ACAN: variants seen among roughly 807,000 people sequenced by gnomAD.
ACAN encodes the protein aggrecan core protein.
A neutral mutation model predicts 169.1 loss-of-function variants in ACAN; 47 were observed. That is an observed-to-expected ratio of 0.28 (90% CI 0.22 to 0.35). ACAN has a LOEUF of 0.35. Ranked by LOEUF, ACAN falls within the 10% of genes least tolerant of loss-of-function variation. The pLI is 1.00. For missense variants in ACAN, 2,716 were observed against 2,759.9 expected (o/e 0.98, Z 0.36); for synonymous variants, 1,115 against 1,112.2 (o/e 1.00, Z -0.05).
intron 6 of ACAN, among the ~76,000 whole-genome samples, chr15:88,845,248 C>T (rs1387093799): frequency 1.3e-5 from 2 of 152,184 alleles, no homozygotes; most frequent in Non-Finnish European, 2.9e-5. Flanking sequence ...CTTTATGAGC[C>T]GTCAGCTCAT....
At chr15:88,840,684 C>T (rs1160299546) in intron 4 of ACAN, among the ~76,000 whole-genome samples, 2 of 151,310 alleles carry the variant, frequency 1.3e-5, no homozygotes, top group African/African-American at 4.9e-5. Flanking sequence ...ATTTCAGGAG[C>T]ATCATAGCTC....
intron 1 of ACAN, among the ~76,000 whole-genome samples, chr15:88,817,075 T>G (rs906752539): frequency 2.0e-5 from 3 of 152,192 alleles, no homozygotes; most frequent in African/African-American, 7.2e-5. Context: ...ACTCCTGCTC[T>G]CCTAATGACC....
chr15:88,842,763 C>T (rs577052864), intron 5 of ACAN, among the ~76,000 whole-genome samples: 1 of 152,202 alleles, frequency 6.6e-6, no homozygotes, highest in Non-Finnish European at 1.5e-5. Context: ...GTAGCCAGAA[C>T]CACCCCTGTG....
intron 1 of ACAN, among the ~76,000 whole-genome samples, chr15:88,826,705 A>C (rs1896232158): frequency 6.6e-6 from 1 of 152,156 alleles, no homozygotes; most frequent in South Asian, 2.1e-4. Flanking sequence ...TGAACTAATT[A>C]GTGATGCATT....
chr15:88,829,833 G>GT, intron 1 of ACAN, among the ~76,000 whole-genome samples: 1 of 152,276 alleles, frequency 6.6e-6, no homozygotes, highest in Admixed American at 6.5e-5. Flanking sequence ...GTTATTCCTG[G>GT]TACTGTGTGA....
At position 88,814,482 on chromosome 15, in the gene ACAN, A is replaced by C. The variant is rs1249878596; in HGVS notation, c.-8+10673A>C. On this transcript the variant is annotated intron_variant, in intron 1 of 18. Transcript: ENST00000560601. The surrounding 1 kb of genome is among the most constrained non-coding windows in gnomAD (Gnocchi z 4.0). ...GCCTCAGGAATGCAAGAAGAGCCAC[A>C]TGCTGTCTGCCACCCTGCAGCTAGC... Among the ~76,000 whole-genome samples, 1 of 152,224 alleles carries C rather than the reference A, an allele frequency of 6.6e-6. No homozygotes were observed. The highest frequency in any genetic ancestry group is 1.5e-5 in the Non-Finnish European group (1 of 68,032).
At position 88,873,193 on chromosome 15, in the gene ACAN, C is replaced by T. The variant is rs987523995; in HGVS notation, c.7447+168C>T. On this transcript the variant is annotated intron_variant, in intron 17 of 18. Transcript: ENST00000560601. This position sits in a 1 kb window ranked among gnomAD's most constrained non-coding sequence, Gnocchi z 7.5. ...GCTGACCTAGGGGTCCCTCCTAGCA[C>T]CGGCATCCCAGGGCCAATGGCAAGG... is the stretch of plus-strand genomic sequence containing the variant. Among the ~76,000 whole-genome samples, 1 of 152,170 alleles carries T rather than the reference C, an allele frequency of 6.6e-6. No individual in the cohort carries two copies. The highest frequency in any genetic ancestry group is 1.5e-5 in the Non-Finnish European group (1 of 68,016).
At chr15:88,815,118 A>G (rs1392338277) in intron 1 of ACAN, among the ~76,000 whole-genome samples, 2 of 151,740 alleles carry the variant, frequency 1.3e-5, no homozygotes, top group Non-Finnish European at 2.9e-5. Flanking sequence ...AATAAAAGGG[A>G]GGATCTGGAA....
At chr15:88,825,026 G>GC (rs1896177548) in intron 1 of ACAN, among the ~76,000 whole-genome samples, 1 of 152,166 alleles carries the variant, frequency 6.6e-6, no homozygotes, top group Admixed American at 6.5e-5. Context: ...ATCCAGAAGT[G>GC]TGTGCTGGAA....
At position 88,873,803 on chromosome 15, in the gene ACAN, A is replaced by G. The variant is rs964903526; in HGVS notation, c.7448-39A>G. ...CAACCAGCATAGGTCATCCCAGGAG[A>G]CCCTATGAGACCCTTTATAAAGGGT... On this transcript the variant is annotated intron_variant, in intron 17 of 18. Transcript: ENST00000560601. The surrounding 1 kb of genome is among the most constrained non-coding windows in gnomAD (Gnocchi z 7.5). The G allele has an allele frequency of 6.3e-6, 10 of 1,598,762 alleles. No homozygotes were observed. The South Asian group carries it at 7.8e-5, about 12-fold the overall frequency.
chr15:88,842,518 T>A (rs890048074), intron 5 of ACAN, among the ~76,000 whole-genome samples: 35 of 34,782 alleles, frequency 1.0e-3, no homozygotes, highest in African/African-American at 2.3e-3. Flanking sequence ...CCATCCCCCC[T>A]CCCCCCTACC....
At position 88,872,826 on chromosome 15, in the gene ACAN, G is replaced by A. The variant is rs937436914; in HGVS notation, c.7303-55G>A. On this transcript the variant is annotated intron_variant, in intron 16 of 18. Transcript: ENST00000560601. This position sits in a 1 kb window ranked among gnomAD's most constrained non-coding sequence, Gnocchi z 5.4. ...CTCCACGGGGAAGACAGTCGGAGCAGGCCAACCCGCACTGTCCTGCCCTCT... is the reference window on the plus strand; with the variant it reads ...CTCCACGGGGAAGACAGTCGGAGCAAGCCAACCCGCACTGTCCTGCCCTCT... 8.1e-5 allele frequency: 129 copies of A among 1,591,964 alleles called. 1 individual carries two copies. The highest frequency in any genetic ancestry group is 8.9e-5 in the Non-Finnish European group (104 of 1,165,636).
Position 88,822,142 on chromosome 15 carries a change from G to T in ACAN, c.-7-14058G>T, listed in dbSNP as rs190368372. Among the ~76,000 whole-genome samples, 72 of 152,316 alleles carry T rather than the reference G, an allele frequency of 4.7e-4. 1 individual carries two copies. The highest frequency in any genetic ancestry group is 3.7e-4 in the Non-Finnish European group (25 of 68,016). On this transcript the variant is annotated intron_variant, in intron 1 of 18. Coordinates refer to ENST00000560601, the MANE Select transcript of ACAN (RefSeq NM_001369268.1). ...ACCTTAGTCTCCAGTCCCTCCAGAG[G>T]TCAGGTTGATACCTCGTGCCCCAAG...
At chr15:88,841,888 G>A in intron 5 of ACAN, 21 bp downstream of exon 5, 1 of 1,612,430 alleles carries the variant, frequency 6.2e-7, no homozygotes, top group Non-Finnish European at 8.5e-7. Context: ...CTGCCCACCA[G>A]GAGGCACCCA....
intron 13 of ACAN, among the ~76,000 whole-genome samples, chr15:88,862,205 G>A (rs1173136449): frequency 6.6e-6 from 1 of 152,190 alleles, no homozygotes; most frequent in African/African-American, 2.4e-5. Context: ...TTCAAGACTT[G>A]CAGCCCAGCC....
At chr15:88,804,485 T>A (rs985025647) in intron 1 of ACAN, among the ~76,000 whole-genome samples, 6 of 151,900 alleles carry the variant, frequency 3.9e-5, no homozygotes, top group African/African-American at 1.2e-4. Context: ...AACACACGGG[T>A]GTCCAACCAA....
chr15:88,815,421 A>G (rs536887802), intron 1 of ACAN, among the ~76,000 whole-genome samples: 1 of 151,998 alleles, frequency 6.6e-6, no homozygotes, highest in Non-Finnish European at 1.5e-5. Flanking sequence ...TAACTGGGTG[A>G]GGCAGCAGGC....
At chr15:88,816,804 C>T (rs1359540187) in intron 1 of ACAN, among the ~76,000 whole-genome samples, 1 of 152,192 alleles carries the variant, frequency 6.6e-6, no homozygotes, top group Non-Finnish European at 1.5e-5. Flanking sequence ...TTCAACGCAC[C>T]ATGCCCAAGA....
In ACAN at chr15:88,807,657, C is replaced by T. The variant is rs1439879737; in HGVS notation, c.-8+3848C>T. 1.3e-5 allele frequency among the ~76,000 whole-genome samples: 2 copies of T among 151,892 alleles called. No individual in the cohort carries two copies. Among genetic ancestry groups the T allele is most frequent in the African/African-American group, 4.8e-5 (2 of 41,330 alleles). ...GGAATTTGTAGAGAAAACGGTAAAACGGTTTCTTTTTTCAAAAGTTGAATC... is the reference window on the plus strand; with the variant it reads ...GGAATTTGTAGAGAAAACGGTAAAATGGTTTCTTTTTTCAAAAGTTGAATC... On this transcript the variant is annotated intron_variant, in intron 1 of 18. Coordinates refer to ENST00000560601, the MANE Select transcript of ACAN (RefSeq NM_001369268.1). This position sits in a 1 kb window ranked among gnomAD's most constrained non-coding sequence, Gnocchi z 4.0.
Sources: allele counts gnomAD v4.1 joint callset (sites outside exome capture counted in the v4.1 genomes callset), GRCh38; gene constraint gnomAD v4.1.1; non-coding constraint Gnocchi (gnomAD v3.1); transcripts MANE v1.5; gene names NCBI Gene and HGNC (gene_info 2026-07-23, HGNC 2026-07-21).